The following MRPL30 variants were observed in gnomAD, a reference collection of about 807,000 sequenced individuals.
MRPL30 encodes the protein mitochondrial ribosomal protein L30.
Under a neutral mutation model 17.2 loss-of-function variants are expected in MRPL30, and 10 were observed. The ratio of observed to expected loss-of-function variants is 0.58; its 90% confidence interval spans 0.36 to 0.99. MRPL30 has a LOEUF of 0.99. Among genes scored for constraint, MRPL30 ranks in the 50% least tolerant of loss-of-function variants. The pLI, the probability that MRPL30 is intolerant of heterozygous loss-of-function variation, is 0.01. For synonymous variants in MRPL30, 61 were observed against 62.1 expected, an observed-to-expected ratio of 0.98 and a Z score of 0.08; for missense variants, 170 against 189.8, an observed-to-expected ratio of 0.90 and a Z score of 0.61.
intron 3 of MRPL30, among the ~76,000 whole-genome samples, chr2:99,194,053 G>T (rs1310431416): frequency 8.1e-6 from 1 of 123,440 alleles, no homozygotes; most frequent in Non-Finnish European, 1.8e-5. Context: ...AAAAAAAAAA[G>T]AATTTGTGTA....
At chr2:99,190,389 G>C (rs2093942765) in intron 3 of MRPL30, among the ~76,000 whole-genome samples, 1 of 151,928 alleles carries the variant, frequency 6.6e-6, no homozygotes, top group African/African-American at 2.4e-5. Context: ...GTGAGACTCT[G>C]TATCTACAAA....
In MRPL30 at chr2:99,188,251, A is replaced by T; in HGVS notation, c.126A>T (p.Pro42=). The T allele has an allele frequency of 6.2e-7, 1 of 1,602,620 alleles. No individual in the cohort carries two copies. The highest frequency in any genetic ancestry group is 8.5e-7 in the Non-Finnish European group (1 of 1,175,192). The part of the protein sequence containing the change: ...IRHKFTRSRI[P]EKVFQASPED... ...ACAAATTCACCAGATCAAGAATTCC[A>T]GAAAAAGTAAGAACAAAGTTTGATT... The change falls in exon 3 of 6, where the codon CCA becomes CCT. Residue 42 remains proline (P), a synonymous_variant. Transcript: ENST00000338148.
At chr2:99,189,500 C>A (rs899454797) in intron 3 of MRPL30, among the ~76,000 whole-genome samples, 13 of 152,224 alleles carry the variant, frequency 8.5e-5, no homozygotes, top group South Asian at 2.1e-4. Context: ...GAATAATATC[C>A]CATTGCATAG....
In MRPL30 at chr2:99,197,979, A is replaced by G. The variant is rs1158412784; in HGVS notation, c.*2274A>G. Among the ~76,000 whole-genome samples the G allele has an allele frequency of 2.0e-5, 3 of 152,138 alleles. No individual in the cohort carries two copies. Among genetic ancestry groups the G allele is most frequent in the African/African-American group, 4.8e-5 (2 of 41,426 alleles). ...AATATTAATATTGTGTAAATAGGGG[A>G]AAATACCATGGTTAATTTTTACTCA... On this transcript the variant is annotated 3_prime_UTR_variant, in exon 6 of 6. Coordinates refer to ENST00000338148, the MANE Select transcript of MRPL30 (RefSeq NM_145212.4).
Position 99,188,245 on chromosome 2 carries a change from A to C in MRPL30, c.120A>C (p.Arg40Ser). ...TTCGTCACAAATTCACCAGATCAAG[A>C]ATTCCAGAAAAAGTAAGAACAAAGT... ...DWIRHKFTRSRIPEKVFQASP... is the reference protein window; with the variant it reads ...DWIRHKFTRSSIPEKVFQASP... The change falls in exon 3 of 6, where the codon AGA (arginine) becomes AGC (serine). Residue 40 changes from arginine to serine, a missense_variant. By Grantham distance (110) the Arg-to-Ser change is moderately radical. Transcript: ENST00000338148. 1.2e-6 allele frequency: 2 copies of C among 1,606,062 alleles called. No homozygotes were observed. The highest frequency in any genetic ancestry group is 1.7e-6 in the Non-Finnish European group (2 of 1,177,100).
intron 1 of MRPL30, among the ~76,000 whole-genome samples, chr2:99,185,594 A>T (rs932839264): frequency 2.0e-5 from 3 of 152,230 alleles, no homozygotes; most frequent in Non-Finnish European, 4.4e-5. Context: ...ATGCGTGTGC[A>T]TTGAGAATAG....
At chr2:99,182,109 A>T (rs1423322149) in intron 1 of MRPL30, among the ~76,000 whole-genome samples, 2 of 152,088 alleles carry the variant, frequency 1.3e-5, no homozygotes, top group African/African-American at 2.4e-5. Flanking sequence ...TTTTTCTGTG[A>T]TTACACACGT....
rs1299243351 is a variant in MRPL30, at chr2:99,195,711, C to T, written c.*6C>T. On this transcript the variant is annotated 3_prime_UTR_variant, in exon 6 of 6. Transcript: ENST00000338148. ...AGAAAGCACATGAGTCCTAATGCCC[C>T]AGCAGCTTCCGATTGGAAAATGCAA... The T allele has an allele frequency of 1.9e-6, 3 of 1,609,394 alleles. No individual in the cohort carries two copies. The highest frequency in any genetic ancestry group is 8.5e-7 in the Non-Finnish European group (1 of 1,178,818).
chr2:99,192,028 CA>C (rs1478320632), intron 3 of MRPL30, among the ~76,000 whole-genome samples: 1 of 152,052 alleles, frequency 6.6e-6, no homozygotes, highest in African/African-American at 2.4e-5. Flanking sequence ...TATAAACAAG[CA>C]AAACTCACCA....
chr2:99,189,422 C>T (rs543115717), intron 3 of MRPL30, among the ~76,000 whole-genome samples: 94 of 152,332 alleles, frequency 6.2e-4, no homozygotes, highest in African/African-American at 2.2e-3. Context: ...TGGCTTCTTT[C>T]TCTTAGCAAT....
intron 1 of MRPL30, among the ~76,000 whole-genome samples, chr2:99,181,839 G>T (rs114811339): frequency 0.014 from 2,179 of 152,246 alleles, 23 homozygotes; most frequent in Non-Finnish European, 0.024. Flanking sequence ...GAAGAGACAC[G>T]CTTCCAGCTT....
At chr2:99,189,000 G>GT in intron 3 of MRPL30, among the ~76,000 whole-genome samples, 1 of 152,062 alleles carries the variant, frequency 6.6e-6, no homozygotes, top group African/African-American at 2.4e-5. Flanking sequence ...GTTTTTATTT[G>GT]TTTTTTAATT....
intron 5 of MRPL30, 143 bp from the exon 6 acceptor site, chr2:99,195,430 A>T (rs1401996326): frequency 3.9e-6 from 4 of 1,025,272 alleles, no homozygotes; most frequent in Admixed American, 2.6e-5. Flanking sequence ...TCAGACATTT[A>T]CCATTTCTTC....
intron 3 of MRPL30, among the ~76,000 whole-genome samples, chr2:99,193,069 A>G (rs1167407959): frequency 6.6e-6 from 1 of 152,214 alleles, no homozygotes; most frequent in Admixed American, 6.5e-5. Context: ...AAATTTTGCA[A>G]TCTACCCATC....
At chr2:99,188,350 T>C in intron 3 of MRPL30, 93 bp downstream of exon 3, 3 of 912,510 alleles carry the variant, frequency 3.3e-6, no homozygotes, top group Non-Finnish European at 5.0e-6. Context: ...GATTTTATGT[T>C]AAATTATATG....
At position 99,195,102 on chromosome 2, in the gene MRPL30, G is replaced by A; in HGVS notation, c.280-14G>A. The A allele has an allele frequency of 6.4e-7, 1 of 1,569,620 alleles. No individual in the cohort carries two copies. Among genetic ancestry groups the A allele is most frequent in the South Asian group, 1.2e-5 (1 of 83,526 alleles). ...TTCAGATTGATAACGTTGCTTTGTT[G>A]TTGTTGTTCACAGGCACATACCCCT... On this transcript the variant is annotated splice_polypyrimidine_tract_variant and intron_variant, in intron 4 of 5. Coordinates refer to ENST00000338148, the MANE Select transcript of MRPL30 (RefSeq NM_145212.4).
At chr2:99,194,640 A>G (rs562472914) in intron 3 of MRPL30, 111 bp from the exon 4 acceptor site, 1 of 873,464 alleles carries the variant, frequency 1.1e-6, no homozygotes, top group Admixed American at 2.9e-5. Flanking sequence ...ATGATTAAGG[A>G]TGAGGTAATT....
At chr2:99,186,499 A>T (rs1438211471) in intron 2 of MRPL30, among the ~76,000 whole-genome samples, 1 of 151,910 alleles carries the variant, frequency 6.6e-6, no homozygotes, top group African/African-American at 2.4e-5. Context: ...TGCCTGGCTA[A>T]TTTTTGTATT....
intron 1 of MRPL30, among the ~76,000 whole-genome samples, 186 bp downstream of exon 1, chr2:99,181,435 G>T (rs1031056889): frequency 6.6e-6 from 1 of 152,100 alleles, no homozygotes; most frequent in African/African-American, 2.4e-5. Flanking sequence ...GGATCCCCCC[G>T]TTTCCCAATT....
Sources: allele counts gnomAD v4.1 joint callset (sites outside exome capture counted in the v4.1 genomes callset), GRCh38; gene constraint gnomAD v4.1.1; transcripts MANE v1.5; gene names NCBI Gene and HGNC (gene_info 2026-07-23, HGNC 2026-07-21).